Variants in ESRRB observed in about 807,000 individuals in gnomAD.
ESRRB encodes the protein steroid hormone receptor ERR2.
Under a neutral mutation model 46.0 loss-of-function variants are expected in ESRRB, and 16 were observed. The ratio of observed to expected loss-of-function variants is 0.35; its 90% CI spans 0.24 to 0.53. The LOEUF (loss-of-function observed/expected upper bound fraction) is 0.53, where lower values mean the gene tolerates loss of function less well. ESRRB is among the 20% of genes least tolerant of loss of function. The pLI, the probability that ESRRB is intolerant of heterozygous loss-of-function variation, is 0.93. For missense variants in ESRRB, 488 were observed against 607.4 expected (o/e 0.80, Z 2.07); for synonymous variants, 246 against 259.6 (o/e 0.95, Z 0.50).
chr14:76,450,751 A>C (rs777568882), intron 2 of ESRRB, among the ~76,000 whole-genome samples: 4 of 152,146 alleles, frequency 2.6e-5, no homozygotes, highest in Admixed American at 6.5e-5. Context: ...CCCGGGAGGC[A>C]CAAGACAGGG....
chr14:76,476,070 T>G (rs1048108771), intron 3 of ESRRB, among the ~76,000 whole-genome samples: 6 of 118,112 alleles, frequency 5.1e-5, no homozygotes, highest in African/African-American at 1.1e-4. Context: ...GTGAAGTGGG[T>G]TTTTTTTTTT....
chr14:76,486,721 G>A (rs1015834946), intron 5 of ESRRB, among the ~76,000 whole-genome samples: 4 of 152,180 alleles, frequency 2.6e-5, no homozygotes, highest in African/African-American at 9.7e-5. Context: ...GGAGCCAGAA[G>A]CTCTGGGCAG....
intron 1 of ESRRB, among the ~76,000 whole-genome samples, chr14:76,354,225 C>CG (rs1491160838): frequency 2.1e-5 from 1 of 47,402 alleles, no homozygotes; most frequent in Non-Finnish European, 3.3e-5. Context: ...CCTCTACCCG[C>CG]CCCCCCCCCC....
At chr14:76,314,760 A>G (rs1883777293) in intron 1 of ESRRB, among the ~76,000 whole-genome samples, 1 of 152,024 alleles carries the variant, frequency 6.6e-6, no homozygotes, top group Admixed American at 6.5e-5. Context: ...GGCCAAGCTG[A>G]GGTCAGAAGT....
At chr14:76,384,709 G>T (rs1885148880) in intron 1 of ESRRB, among the ~76,000 whole-genome samples, 1 of 152,186 alleles carries the variant, frequency 6.6e-6, no homozygotes, top group African/African-American at 2.4e-5. Context: ...TCCTCTGGCT[G>T]CATTCTCATG....
intron 1 of ESRRB, among the ~76,000 whole-genome samples, chr14:76,311,830 T>C (rs1566848438): frequency 6.6e-6 from 1 of 152,246 alleles, no homozygotes; most frequent in Non-Finnish European, 1.5e-5. Context: ...CACAGTCCTG[T>C]GTCCACGGGG....
In ESRRB at chr14:76,482,783, A is replaced by G; in HGVS notation, c.850+24A>G. The G allele has an allele frequency of 6.2e-7, 1 of 1,613,064 alleles. No individual in the cohort carries two copies. Among genetic ancestry groups the G allele is most frequent in the Non-Finnish European group, 8.5e-7 (1 of 1,179,868 alleles). ...AGGTGAGCATGTGGGACCAGGGGAGAGTGTGGCCAGGGACTCTCAGCCGGT... is the reference window on the plus strand; with the variant it reads ...AGGTGAGCATGTGGGACCAGGGGAGGGTGTGGCCAGGGACTCTCAGCCGGT... On this transcript the variant is annotated intron_variant, in intron 5 of 6. Transcript: ENST00000644823. This position sits in a 1 kb window ranked among gnomAD's most constrained non-coding sequence, Gnocchi z 4.3.
chr14:76,425,978 C>T (rs895299480), intron 1 of ESRRB, among the ~76,000 whole-genome samples: 1 of 152,212 alleles, frequency 6.6e-6, no homozygotes, highest in African/African-American at 2.4e-5. Context: ...ATAGCACTCA[C>T]CACTAACTGC....
chr14:76,351,486 C>A (rs1884312584), intron 1 of ESRRB, among the ~76,000 whole-genome samples: 1 of 152,202 alleles, frequency 6.6e-6, no homozygotes, highest in African/African-American at 2.4e-5. Context: ...CTTATAGGGC[C>A]ACTGGTTGCA....
chr14:76,442,652 G>A (rs1887966728), intron 2 of ESRRB, among the ~76,000 whole-genome samples: 1 of 151,964 alleles, frequency 6.6e-6, no homozygotes, highest in Non-Finnish European at 1.5e-5. Flanking sequence ...TTAACAATGT[G>A]ATTTAAGACA....
intron 2 of ESRRB, among the ~76,000 whole-genome samples, chr14:76,453,482 G>A (rs1018933898): frequency 2.6e-5 from 4 of 151,980 alleles, no homozygotes; most frequent in Non-Finnish European, 4.4e-5. Context: ...GATCAAAAAT[G>A]ATTCAGAAGA....
In ESRRB at chr14:76,461,675, A is replaced by AT. The variant is rs556184284; in HGVS notation, c.461-863dup. 3.3e-3 allele frequency among the ~76,000 whole-genome samples: 502 copies of AT among 151,912 alleles called. 8 individuals are homozygous for AT. Among genetic ancestry groups the AT allele is most frequent in the African/African-American group, 0.012 (478 of 41,408 alleles). ...AGGCACATGCCACCACACCTGGCTA[A>AT]TTTTTTTGTATTTTTAGTAGAGACG... On this transcript the variant is annotated intron_variant, in intron 2 of 6. Transcript: ENST00000644823.
At chr14:76,404,838 T>C (rs990858399) in intron 1 of ESRRB, among the ~76,000 whole-genome samples, 7 of 152,200 alleles carry the variant, frequency 4.6e-5, no homozygotes, top group Admixed American at 3.3e-4. Context: ...ATCAGTATTT[T>C]GTTGTGGGCA....
At chr14:76,492,646 G>A (rs1023502574) in intron 6 of ESRRB, among the ~76,000 whole-genome samples, 7 of 152,212 alleles carry the variant, frequency 4.6e-5, no homozygotes, top group African/African-American at 1.7e-4. Context: ...AAGGTCCTCT[G>A]ATTCCAAAAT....
At chr14:76,433,547 A>T (rs1027613674) in intron 1 of ESRRB, among the ~76,000 whole-genome samples, 3 of 152,204 alleles carry the variant, frequency 2.0e-5, no homozygotes, top group Non-Finnish European at 4.4e-5. Context: ...CCCACGTCAC[A>T]GCCTCCAAGT....
In ESRRB at chr14:76,482,755, C is replaced by A; in HGVS notation, c.846C>A (p.Ile282=). The A allele has an allele frequency of 6.2e-7, 1 of 1,614,042 alleles. No individual in the cohort carries two copies. Among genetic ancestry groups the A allele is most frequent in the Middle Eastern group, 1.7e-4 (1 of 6,020 alleles). The change falls in exon 5 of 7, where the codon ATC becomes ATA. Residue 282 remains isoleucine (I), a synonymous_variant. Transcript: ENST00000644823. This position sits in a 1 kb window ranked among gnomAD's most constrained non-coding sequence, Gnocchi z 4.3. ...TCATCATTGGCTGGGCCAAGCACAT[C>A]CCAGGTGAGCATGTGGGACCAGGGG... The part of the protein sequence containing the change: ...LVVIIGWAKH[I]PGFSSLSLGD...
At chr14:76,465,443 G>A (rs1370450191) in intron 3 of ESRRB, among the ~76,000 whole-genome samples, 1 of 152,210 alleles carries the variant, frequency 6.6e-6, no homozygotes, top group Admixed American at 6.5e-5. Context: ...TGATGGCAGG[G>A]AGGGAGGTGG....
intron 6 of ESRRB, among the ~76,000 whole-genome samples, chr14:76,493,355 A>G (rs1890301342): frequency 6.6e-6 from 1 of 151,998 alleles, no homozygotes; most frequent in African/African-American, 2.4e-5. Context: ...GGGTTTCGCT[A>G]TGTTGCCCAG....
chr14:76,440,518 GATCCC>G (rs1240968848), intron 2 of ESRRB, among the ~76,000 whole-genome samples: 1 of 151,916 alleles, frequency 6.6e-6, no homozygotes, highest in Non-Finnish European at 1.5e-5. Context: ...ATCCTGTCTG[GATCCC>G]AGTTTAACCT....
Sources: allele counts gnomAD v4.1 joint callset (sites outside exome capture counted in the v4.1 genomes callset), GRCh38; gene constraint gnomAD v4.1.1; non-coding constraint Gnocchi (gnomAD v3.1); transcripts MANE v1.5; gene names NCBI Gene and HGNC (gene_info 2026-07-23, HGNC 2026-07-21).